The following CYB5R2 variants were observed in gnomAD, a reference collection of about 807,000 sequenced individuals.
The protein encoded by CYB5R2 is NADH-cytochrome b5 reductase 2.
Under a neutral mutation model 29.8 loss-of-function variants are expected in CYB5R2, and 35 were observed. The observed-to-expected ratio is 1.17, with a 90% CI of 0.90 to 1.56. The LOEUF is 1.56. CYB5R2 is among the 40% of genes most tolerant of loss of function. The pLI, the probability that CYB5R2 is intolerant of heterozygous loss-of-function variation, is 0.00. For missense variants in CYB5R2, 419 were observed against 346.7 expected, an observed-to-expected ratio of 1.21 and a Z score of -1.66; for synonymous variants, 169 against 130.6, an observed-to-expected ratio of 1.29 and a Z score of -2.01.
intron 3 of CYB5R2, 52 bp from the exon 4 acceptor site, chr11:7,669,783 G>T: frequency 7.6e-7 from 1 of 1,321,030 alleles, no homozygotes; most frequent in Non-Finnish European, 1.1e-6. Flanking sequence ...CTTAAATAAG[G>T]CCCAGGAATA....
rs994055582 is a variant in CYB5R2, at chr11:7,668,852, A to G, written c.389-291T>C. On this transcript the variant is annotated intron_variant, in intron 5 of 8. Coordinates refer to ENST00000299498, the MANE Select transcript of CYB5R2 (RefSeq NM_016229.5). The stretch of plus-strand genomic sequence containing the variant: ...AGAGACTCAAAGAGCATTCTCACTC[A>G]CGGAGGTGAACCAGTGAGTAAACAA... 8.7e-6 allele frequency: 5 copies of G among 576,336 alleles called. No homozygotes were observed. The African/African-American group carries it at 9.4e-5, about 11-fold the overall frequency. The allele number at this position is 576,336 out of a possible 1,614,324, so 35.7% of individuals were successfully genotyped here.
intron 4 of CYB5R2, 106 bp from the exon 5 acceptor site, chr11:7,669,440 T>C: frequency 1.4e-6 from 2 of 1,415,362 alleles, no homozygotes. Context: ...GAAAGTGTTC[T>C]CCTCTCTGAA....
At chr11:7,673,537 C>A, upstream of CYB5R2, 1 of 985,472 alleles carries the variant, frequency 1.0e-6, no homozygotes, top group Non-Finnish European at 1.2e-6. Flanking sequence ...CCCCACTCCC[C>A]GCCCTTCGCG....
Position 7,665,536 on chromosome 11 carries a change from G to A in CYB5R2, c.669C>T (p.Tyr223=), listed in dbSNP as rs1267910468. The A allele has an allele frequency of 1.9e-6, 3 of 1,604,632 alleles. No individual in the cohort carries two copies. The highest frequency in any genetic ancestry group is 2.5e-6 in the Non-Finnish European group (3 of 1,176,512). Reference sequence around the variant, plus strand: ...TGTCGGCAGTAACGAAGCCTGAGCTGTACTTCCAGCCTGAAATGAAGGAGA... The same window carrying A: ...TGTCGGCAGTAACGAAGCCTGAGCTATACTTCCAGCCTGAAATGAAGGAGA... ...TLDRPPIGWK[Y]SSGFVTADMI... is the part of the protein sequence containing the mutation. The change falls in exon 9 of 9, where the codon TAC becomes TAT. Residue 223 remains tyrosine, a synonymous_variant. Transcript: ENST00000299498.
chr11:7,672,622 G>GCACACACACACACACACA lies in CYB5R2; in HGVS notation c.78+108_79-100dup, dbSNP rs57207415. The GCACACACACACACACACA allele has an allele frequency of 3.2e-4, 399 of 1,237,304 alleles. 3 individuals are homozygous for GCACACACACACACACACA. The African/African-American group carries it at 5.3e-3, about 17-fold the overall frequency. 76.6% of individuals were successfully genotyped at this position (1,237,304 alleles called of 1,614,324 possible). ...AGGAGGTCCGTTTGGCGCTATTCCA[G>GCACACACACACACACACA]CACACACACACACACACACAGGGCG... On this transcript the variant is annotated intron_variant, in intron 2 of 8. Transcript: ENST00000299498.
chr11:7,665,831 G>A lies in CYB5R2; in HGVS notation c.659-285C>T, dbSNP rs554785991. The A allele has an allele frequency of 1.1e-5, 17 of 1,533,854 alleles. No homozygotes were observed. The East Asian group carries it at 2.7e-4, about 24-fold the overall frequency. Reference sequence around the variant, plus strand: ...GGAGAACACAACGAGGTATACCGAGGTGTGTGAATCAGTACAGCCAGCTGG... The same window carrying A: ...GGAGAACACAACGAGGTATACCGAGATGTGTGAATCAGTACAGCCAGCTGG... On this transcript the variant is annotated intron_variant, in intron 8 of 8. Transcript: ENST00000299498.
Position 7,673,058 on chromosome 11 carries a change from T to C in CYB5R2, c.-66-167A>G, listed in dbSNP as rs1855858197. The stretch of plus-strand genomic sequence containing the variant: ...GACACAGAAGGCGGCTGGGAGAGCC[T>C]GTCGTGGACCAGAGGGTAGGGAGGG... On this transcript the variant is annotated intron_variant, in intron 1 of 8. Transcript: ENST00000299498. 6 of 658,380 alleles carry C rather than the reference T, an allele frequency of 9.1e-6. No individual in the cohort carries two copies. The South Asian group carries it at 1.1e-4, about 12-fold the overall frequency. 40.8% of individuals were successfully genotyped at this position (658,380 alleles called of 1,614,324 possible).
chr11:7,665,992 G>A, intron 8 of CYB5R2: 2 of 1,301,824 alleles, frequency 1.5e-6, no homozygotes, highest in South Asian at 2.5e-5. Flanking sequence ...CGCCTGTGGG[G>A]TGCTCTGTGC....
intron 3 of CYB5R2, chr11:7,670,217 G>GTGGT (rs558158475): frequency 9.2e-5 from 16 of 174,176 alleles, no homozygotes; most frequent in South Asian, 6.6e-4. Flanking sequence ...GCCAGGTGTG[G>GTGGT]TGGTGCACAC....
At chr11:7,665,970 G>T in intron 8 of CYB5R2, 1 of 1,488,268 alleles carries the variant, frequency 6.7e-7, no homozygotes, top group Non-Finnish European at 9.1e-7. Context: ...GCCGGGAGCA[G>T]TGTGAGAGGC....
intron 4 of CYB5R2, 31 bp downstream of exon 4, chr11:7,669,594 G>C: frequency 2.6e-6 from 4 of 1,517,872 alleles, no homozygotes; most frequent in South Asian, 1.3e-5. Context: ...TTGGAAGCAC[G>C]AGCTAGCCAG....
chr11:7,666,166 G>A, intron 8 of CYB5R2: 1 of 600,238 alleles, frequency 1.7e-6, no homozygotes, highest in Non-Finnish European at 3.0e-6. Flanking sequence ...TGTGGAATGG[G>A]TGGGTGTTCA....
intron 4 of CYB5R2, 109 bp downstream of exon 4, chr11:7,669,516 C>A: frequency 8.2e-7 from 1 of 1,215,268 alleles, no homozygotes; most frequent in Non-Finnish European, 1.2e-6. Flanking sequence ...TGCTGGAAAG[C>A]CCTGCCTAGG....
chr11:7,672,706 T>C, intron 2 of CYB5R2, 42 bp downstream of exon 2: 2 of 1,612,272 alleles, frequency 1.2e-6, no homozygotes, highest in Non-Finnish European at 1.7e-6. Flanking sequence ...ATCCCAGCCA[T>C]CATCCACTTA....
At position 7,665,261 on chromosome 11, in the gene CYB5R2, C is replaced by A; in HGVS notation, c.*113G>T. ...CAAAAGAGGAGAACCAGTGTGTGCG[C>A]GAAGGTACATGGCAAGGCACTTTTG... On this transcript the variant is annotated 3_prime_UTR_variant, in exon 9 of 9. Coordinates refer to ENST00000299498, the MANE Select transcript of CYB5R2 (RefSeq NM_016229.5). 5 of 934,280 alleles carry A rather than the reference C, an allele frequency of 5.4e-6. No homozygotes were observed. The highest frequency in any genetic ancestry group is 7.9e-6 in the Non-Finnish European group (5 of 634,882). The allele number at this position is 934,280 out of a possible 1,614,324, so 57.9% of individuals were successfully genotyped here. A position where few individuals can be genotyped will look rare whatever the true frequency, so the allele number is the denominator to read the frequency against.
At chr11:7,671,550 C>G (rs148988608) in intron 3 of CYB5R2, 1 of 152,248 alleles carries the variant, frequency 6.6e-6, no homozygotes, top group Non-Finnish European at 1.5e-5. Flanking sequence ...AGAGACGGCA[C>G]GCACAACACT....
At position 7,669,676 on chromosome 11, in the gene CYB5R2, G is replaced by C. The variant is rs768262771; in HGVS notation, c.207C>G (p.Tyr69Ter). 2 of 1,613,608 alleles carry C rather than the reference G, an allele frequency of 1.2e-6. No homozygotes were observed. The highest frequency in any genetic ancestry group is 2.2e-5 in the South Asian group (2 of 91,002). Residue 69 changes from tyrosine (Y) to a stop codon, truncating the protein, a stop_gained, in exon 4 of 9, where the codon TAC becomes TAG. Transcript: ENST00000299498. LOFTEE classifies it high-confidence loss of function. ...KIDNELVVRA[Y>*]TPVSSDDDRG... ...TGTCATCATCACTGGAGACAGGGGT[G>C]TAAGCCCTGACCACCAATTCATTAT...
rs775202596 is a variant in CYB5R2, at chr11:7,667,819, A to G, written c.473-6T>C. On this transcript the variant is annotated splice_region_variant and splice_polypyrimidine_tract_variant and intron_variant, in intron 6 of 8. Coordinates refer to ENST00000299498, the MANE Select transcript of CYB5R2 (RefSeq NM_016229.5). ...CTGCAACATGGGTGTGATGCCTGGA[A>G]CACAGTGAGCGAGCAGCCAGCTTTC... 4.3e-6 allele frequency: 7 copies of G among 1,613,628 alleles called. No individual in the cohort carries two copies. Among genetic ancestry groups the G allele is most frequent in the Non-Finnish European group, 8.5e-7 (1 of 1,179,524 alleles).
chr11:7,665,963 G>T, intron 8 of CYB5R2: 2 of 1,518,602 alleles, frequency 1.3e-6, no homozygotes, highest in Non-Finnish European at 1.8e-6. Flanking sequence ...AGGTACAGCC[G>T]GGAGCAGTGT....
Sources: allele counts gnomAD v4.1 joint callset, GRCh38; gene constraint gnomAD v4.1.1; transcripts MANE v1.5; gene names NCBI Gene and HGNC (gene_info 2026-07-23, HGNC 2026-07-21).